Variants in MGAT4A observed in about 807,000 individuals in gnomAD.
MGAT4A encodes the protein N-acetylglucosaminyltransferase IVa.
Under a neutral mutation model 74.1 loss-of-function variants are expected in MGAT4A, and 33 were observed. The ratio of observed to expected loss-of-function variants is 0.45; its 90% CI spans 0.34 to 0.60. The LOEUF (loss-of-function observed/expected upper bound fraction) is 0.60. Ranked by LOEUF, MGAT4A falls within the 20% of genes least tolerant of loss-of-function variation. The pLI is 0.02. For synonymous variants in MGAT4A, 198 were observed against 210.4 expected (o/e 0.94, Z 0.51); for missense variants, 479 against 628.3 (o/e 0.76, Z 2.54).
intron 2 of MGAT4A, among the ~76,000 whole-genome samples, chr2:98,691,855 A>T (rs1476223312): frequency 1.3e-5 from 2 of 152,208 alleles, no homozygotes; most frequent in Non-Finnish European, 2.9e-5. Context: ...GAAGACTAGG[A>T]AACTGATGAT....
At chr2:98,687,152 A>G (rs1057056238) in intron 2 of MGAT4A, among the ~76,000 whole-genome samples, 12 of 152,224 alleles carry the variant, frequency 7.9e-5, no homozygotes, top group African/African-American at 2.9e-4. Context: ...TCATTCTAAA[A>G]GGAAAATTAA....
chr2:98,686,887 C>T (rs1702138218), intron 2 of MGAT4A, among the ~76,000 whole-genome samples: 1 of 152,014 alleles, frequency 6.6e-6, no homozygotes, highest in African/African-American at 2.4e-5. Context: ...TCGTGAAGTC[C>T]CAAATTCCCT....
rs1240312200 is a variant in MGAT4A at position 98,731,064 on chromosome 2, C to G, written c.-252G>C. On this transcript the variant is annotated 5_prime_UTR_variant, in exon 1 of 16. Coordinates refer to ENST00000393487, the MANE Select transcript of MGAT4A (RefSeq NM_012214.3). This position sits in a 1 kb window ranked among gnomAD's most constrained non-coding sequence, Gnocchi z 4.8. Reference sequence around the variant, plus strand: ...GCCCCTCACCCGCCGCTGGCGTCGCCGTGCTCCCGCGGCTGCCGGCGGAGC... The same window carrying G: ...GCCCCTCACCCGCCGCTGGCGTCGCGGTGCTCCCGCGGCTGCCGGCGGAGC... 1 of 139,332 alleles carries G rather than the reference C, an allele frequency of 7.2e-6. No homozygotes were observed. The highest frequency in any genetic ancestry group is 1.6e-5 in the Non-Finnish European group (1 of 62,764). 8.6% of individuals were successfully genotyped at this position (139,332 alleles called of 1,614,324 possible). A position where few individuals can be genotyped will look rare whatever the true frequency, so the allele number is the denominator to read the frequency against.
intron 2 of MGAT4A, among the ~76,000 whole-genome samples, chr2:98,719,526 T>A (rs889376816): frequency 6.6e-6 from 1 of 152,186 alleles, no homozygotes; most frequent in African/African-American, 2.4e-5. Context: ...AATAAAAAAA[T>A]TATGAGATGT....
chr2:98,723,301 A>T (rs1182087186), intron 2 of MGAT4A, among the ~76,000 whole-genome samples: 1 of 152,194 alleles, frequency 6.6e-6, no homozygotes, highest in East Asian at 1.9e-4. Context: ...CGCCAGCAGC[A>T]TGCGCCAGCA....
rs141049393 is a variant in MGAT4A, at chr2:98,665,287, C to T, written c.404-2108G>A. On this transcript the variant is annotated intron_variant, in intron 4 of 15. Coordinates refer to ENST00000393487, the MANE Select transcript of MGAT4A (RefSeq NM_012214.3). ...GAGGTTGCAGTGAGTCAAGATCGCG[C>T]CACTGCACACCAGCCTGGGCAACAC... Among the ~76,000 whole-genome samples, 186 of 145,648 alleles carry T rather than the reference C, an allele frequency of 1.3e-3. No homozygotes were observed. In the Middle Eastern group the frequency reaches 0.018, roughly 14 times the overall value.
intron 9 of MGAT4A, 101 bp from the exon 10 acceptor site, chr2:98,644,154 C>T (rs1701452588): frequency 1.7e-6 from 2 of 1,158,128 alleles, no homozygotes; most frequent in South Asian, 2.2e-5. Flanking sequence ...GAGGCTTGCG[C>T]TTTCAACTAT....
intron 2 of MGAT4A, among the ~76,000 whole-genome samples, chr2:98,725,762 G>A (rs1559178140): frequency 6.6e-6 from 1 of 152,060 alleles, no homozygotes; most frequent in Non-Finnish European, 1.5e-5. Flanking sequence ...TTTTGCCTAA[G>A]GAGTAATCTG....
In MGAT4A at chr2:98,621,272, CT is replaced by C; in HGVS notation, c.*4293del. ...GGCCAGGCTGGGTCTTATCTGGAGA[CT>C]GGAGATGAATGCCTTTCCAAGCCTA... On this transcript the variant is annotated 3_prime_UTR_variant, in exon 16 of 16. Transcript: ENST00000393487. 3 of 1,161,120 alleles carry C rather than the reference CT, an allele frequency of 2.6e-6. No individual in the cohort carries two copies. The highest frequency in any genetic ancestry group is 3.5e-6 in the Non-Finnish European group (3 of 856,780). 71.9% of individuals were successfully genotyped at this position (1,161,120 alleles called of 1,614,324 possible). A position where few individuals can be genotyped will look rare whatever the true frequency, so the allele number is the denominator to read the frequency against.
chr2:98,644,158 C>A, intron 9 of MGAT4A, 105 bp from the exon 10 acceptor site: 1 of 1,138,998 alleles, frequency 8.8e-7, no homozygotes, highest in Non-Finnish European at 1.2e-6. Context: ...CTTGCGCTTT[C>A]AACTATAAAT....
chr2:98,670,690 G>GT (rs1164926284), intron 4 of MGAT4A, among the ~76,000 whole-genome samples: 5 of 151,864 alleles, frequency 3.3e-5, no homozygotes, highest in Admixed American at 2.0e-4. Context: ...TCTCATGACA[G>GT]TTTTTTTTCT....
At chr2:98,628,740 CT>C (rs1157966527) in intron 14 of MGAT4A, among the ~76,000 whole-genome samples, 11 of 152,168 alleles carry the variant, frequency 7.2e-5, no homozygotes, top group Admixed American at 2.0e-4. Context: ...TCAAAATCTA[CT>C]TTTCTTGTTT....
intron 14 of MGAT4A, among the ~76,000 whole-genome samples, chr2:98,632,474 G>A (rs1043032367): frequency 6.6e-6 from 1 of 152,198 alleles, no homozygotes; most frequent in Non-Finnish European, 1.5e-5. Flanking sequence ...ACTTTCCACT[G>A]GGATCCAAAT....
intron 4 of MGAT4A, among the ~76,000 whole-genome samples, chr2:98,667,251 C>T (rs1559164045): frequency 6.6e-6 from 1 of 152,148 alleles, no homozygotes; most frequent in Non-Finnish European, 1.5e-5. Flanking sequence ...TTATCAGCAG[C>T]ATGAAAATAG....
intron 2 of MGAT4A, among the ~76,000 whole-genome samples, chr2:98,704,031 G>C (rs999882680): frequency 6.6e-6 from 1 of 152,170 alleles, no homozygotes. Context: ...AACTACGACT[G>C]TGTAACATCC....
intron 5 of MGAT4A, among the ~76,000 whole-genome samples, chr2:98,661,329 A>G (rs1046869422): frequency 2.6e-5 from 4 of 152,192 alleles, no homozygotes; most frequent in African/African-American, 9.6e-5. Context: ...GGATACATAC[A>G]TGGATCCACT....
At chr2:98,652,808 G>C (rs903935712) in intron 8 of MGAT4A, among the ~76,000 whole-genome samples, 1 of 151,608 alleles carries the variant, frequency 6.6e-6, no homozygotes, top group Non-Finnish European at 1.5e-5. Flanking sequence ...TTAGAGACAG[G>C]ATTTCGTCAT....
rs541497877 is a variant in MGAT4A at position 98,624,116 on chromosome 2, C to T, written c.*1450G>A. The T allele has an allele frequency of 1.4e-5, 11 of 761,000 alleles. No individual in the cohort carries two copies. The highest frequency in any genetic ancestry group is 1.8e-5 in the Non-Finnish European group (11 of 625,266). 47.1% of individuals were successfully genotyped at this position (761,000 alleles called of 1,614,324 possible). ...CCAGCTCTGCCTCCTGGGTTCACGC[C>T]ATTCTCCTGCCTCAGCCTCCCAAGT... On this transcript the variant is annotated 3_prime_UTR_variant, in exon 16 of 16. Transcript: ENST00000393487.
At chr2:98,635,434 A>T in intron 13 of MGAT4A, 146 bp from the exon 14 acceptor site, 1 of 572,654 alleles carries the variant, frequency 1.7e-6, no homozygotes, top group Non-Finnish European at 3.0e-6. Flanking sequence ...AACTTTAAAA[A>T]ACTTATTAGA....
Sources: gnomAD v4.1 joint callset for allele counts (sites outside exome capture counted in the v4.1 genomes callset) on GRCh38, gnomAD v4.1.1 for gene constraint, Gnocchi (gnomAD v3.1) non-coding constraint, MANE v1.5 for transcripts, NCBI Gene and HGNC (gene_info 2026-07-23, HGNC 2026-07-21) for gene names.